Variants in DDB1 observed in about 807,000 individuals in gnomAD.
DDB1 encodes the protein DNA damage-binding protein 1.
Under a neutral mutation model 133.1 loss-of-function variants are expected in DDB1, and 18 were observed. The ratio of observed to expected loss-of-function variants is 0.14; its 90% CI spans 0.09 to 0.20. The LOEUF is 0.20. Among genes scored for constraint, DDB1 ranks in the 10% least tolerant of loss-of-function variants. The pLI, the probability that DDB1 is intolerant of heterozygous loss-of-function variation, is 1.00. For missense variants in DDB1, 828 were observed against 1,459.2 expected (o/e 0.57, Z 7.05); for synonymous variants, 580 against 550.5 (o/e 1.05, Z -0.75).
intron 4 of DDB1, among the ~76,000 whole-genome samples, chr11:61,328,802 G>A (rs1041004633): frequency 1.2e-4 from 19 of 152,034 alleles, no homozygotes; most frequent in African/African-American, 3.9e-4. Context: ...ACCAGGAGGC[G>A]GAGGTTGCAG....
chr11:61,309,699 T>C (rs1242336838), intron 20 of DDB1, 97 bp downstream of exon 20: 1 of 1,348,128 alleles, frequency 7.4e-7, no homozygotes, highest in Non-Finnish European at 1.0e-6. Context: ...CCCAACTTCT[T>C]CTACTGCTTA....
At chr11:61,306,664 C>A (rs1467693544) in intron 21 of DDB1, among the ~76,000 whole-genome samples, 1 of 152,190 alleles carries the variant, frequency 6.6e-6, no homozygotes, top group Admixed American at 6.5e-5. Context: ...CTCGTGTCCT[C>A]CGCTCTGCCT....
At chr11:61,308,552 T>C (rs971201601) in intron 21 of DDB1, among the ~76,000 whole-genome samples, 3 of 152,226 alleles carry the variant, frequency 2.0e-5, no homozygotes, top group Non-Finnish European at 2.9e-5. Context: ...ATTTTCGATA[T>C]ACAAAATTTT....
At position 61,313,654 on chromosome 11, in the gene DDB1, C is replaced by T. The variant is rs1338016796; in HGVS notation, c.1914G>A (p.Leu638=). ...KVTLGTQPTV[L]RTFRSLSTTN... Reference sequence around the variant, plus strand: ...TGGTAGAAAGAGAACGAAAAGTCCTCAATACGGTGGGCTGGGTGCCCAAAG... The same window carrying T: ...TGGTAGAAAGAGAACGAAAAGTCCTTAATACGGTGGGCTGGGTGCCCAAAG... The change falls in exon 16 of 27, where the codon TTG becomes TTA. Residue 638 remains leucine (L), a synonymous_variant. Coordinates refer to ENST00000301764, the MANE Select transcript of DDB1 (RefSeq NM_001923.5). 1 of 1,613,926 alleles carries T rather than the reference C, an allele frequency of 6.2e-7. No individual in the cohort carries two copies. Among genetic ancestry groups the T allele is most frequent in the African/African-American group, 1.3e-5 (1 of 74,894 alleles).
intron 4 of DDB1, 35 bp from the exon 5 acceptor site, chr11:61,326,928 A>G (rs760295356): frequency 8.5e-6 from 13 of 1,522,690 alleles, no homozygotes; most frequent in Non-Finnish European, 9.1e-6. Context: ...AGCCCTTAGG[A>G]AGGGTGAGCC....
intron 10 of DDB1, among the ~76,000 whole-genome samples, chr11:61,320,800 C>CA (rs1456906976): frequency 1.1e-4 from 16 of 152,188 alleles, no homozygotes; most frequent in African/African-American, 3.9e-4. Context: ...CATTTACTGA[C>CA]ATGACAGCTA....
At chr11:61,317,189 C>T (rs1856102600) in intron 10 of DDB1, among the ~76,000 whole-genome samples, 2 of 151,890 alleles carry the variant, frequency 1.3e-5, no homozygotes, top group Admixed American at 6.6e-5. Flanking sequence ...TCTCAGCTCA[C>T]TGCAAGCTCC....
rs1856345743 is a variant in DDB1 at position 61,330,314 on chromosome 11, T to C, written c.211-240A>G. 7.9e-6 allele frequency: 3 copies of C among 379,628 alleles called. No homozygotes were observed. The Admixed American group carries it at 1.3e-4, about 16-fold the overall frequency. The allele number at this position is 379,628 out of a possible 1,614,324, so 23.5% of individuals were successfully genotyped here. ...ACTTTCATGATTCTCCATCTCTCTG[T>C]TCTACAAACAAAGTCTTCATCTATT... is the stretch of plus-strand genomic sequence containing the variant. On this transcript the variant is annotated intron_variant, in intron 2 of 26. Coordinates refer to ENST00000301764, the MANE Select transcript of DDB1 (RefSeq NM_001923.5).
intron 4 of DDB1, 82 bp from the exon 5 acceptor site, chr11:61,326,975 C>G (rs1402292754): frequency 1.1e-6 from 1 of 943,914 alleles, no homozygotes; most frequent in East Asian, 2.4e-5. Flanking sequence ...AATAAGCCAC[C>G]ACTACCCAGC....
At chr11:61,330,196 T>C in intron 2 of DDB1, 122 bp from the exon 3 acceptor site, 1 of 726,506 alleles carries the variant, frequency 1.4e-6, no homozygotes, top group Admixed American at 2.7e-5. Context: ...AAAGAGAAAA[T>C]ACATGGTGAG....
intron 1 of DDB1, 43 bp downstream of exon 1, chr11:61,332,865 C>A (rs1365046384): frequency 3.5e-6 from 5 of 1,439,166 alleles, no homozygotes; most frequent in Middle Eastern, 4.4e-4. Context: ...CGGCTCCCCC[C>A]AACTCCCTCA....
chr11:61,313,988 T>A lies in DDB1; in HGVS notation c.1754-19A>T. ...ATGATCTCTGTGAGAAAGGGGGACA[T>A]TATGTTCTTGTTCCACATTTTGACT... On this transcript the variant is annotated intron_variant, in intron 14 of 26. Transcript: ENST00000301764. 6.2e-7 allele frequency: 1 copy of A among 1,614,040 alleles called. No homozygotes were observed. The highest frequency in any genetic ancestry group is 8.5e-7 in the Non-Finnish European group (1 of 1,179,974).
chr11:61,321,091 A>G (rs1343008495), intron 10 of DDB1, among the ~76,000 whole-genome samples: 2 of 152,112 alleles, frequency 1.3e-5, no homozygotes, highest in Non-Finnish European at 2.9e-5. Flanking sequence ...TACGTTGCCT[A>G]GGCTGGTCTC....
rs753429901 is a variant in DDB1 at position 61,302,754 on chromosome 11, G to A, written c.2943-3C>T. 23 of 1,614,046 alleles carry A rather than the reference G, an allele frequency of 1.4e-5. No individual in the cohort carries two copies. Among genetic ancestry groups the A allele is most frequent in the Non-Finnish European group, 1.9e-5 (22 of 1,180,000 alleles). ...GCTCCTCGTCAGTGGTGGCAGCGCT[G>A]AAAGGCGGTAAGAAAGTCACTTTCT... is the stretch of plus-strand genomic sequence containing the variant. On this transcript the variant is annotated splice_region_variant and splice_polypyrimidine_tract_variant and intron_variant, in intron 23 of 26. Coordinates refer to ENST00000301764, the MANE Select transcript of DDB1 (RefSeq NM_001923.5).
intron 25 of DDB1, chr11:61,302,048 G>C (rs1016183899): frequency 4.3e-6 from 2 of 468,120 alleles, no homozygotes; most frequent in African/African-American, 1.9e-5. Flanking sequence ...GCGGAAGCTA[G>C]GTGATAAGTA....
chr11:61,323,194 G>A (rs967312258), intron 7 of DDB1, 100 bp from the exon 8 acceptor site: 1 of 898,168 alleles, frequency 1.1e-6, no homozygotes, highest in African/African-American at 1.6e-5. Flanking sequence ...ACTCCCAACT[G>A]CAGCCATAAT....
At position 61,321,412 on chromosome 11, in the gene DDB1, T is replaced by C. The variant is rs1315437414; in HGVS notation, c.1225+183A>G. 2.9e-5 allele frequency: 13 copies of C among 445,752 alleles called. No homozygotes were observed. In the South Asian group the frequency reaches 4.4e-4, roughly 15 times the overall value. The allele number at this position is 445,752 out of a possible 1,614,324, so 27.6% of individuals were successfully genotyped here. ...TTTTGATCAGTAGTATTTTCTTTTT[T>C]TTTTTTTTCTAAAGTTTACTTTTAT... On this transcript the variant is annotated intron_variant, in intron 10 of 26. Transcript: ENST00000301764.
chr11:61,324,841 C>T (rs1362492918), intron 6 of DDB1, among the ~76,000 whole-genome samples: 1 of 152,300 alleles, frequency 6.6e-6, no homozygotes, highest in East Asian at 1.9e-4. Flanking sequence ...GAAAACATTA[C>T]ATGCAATAGA....
At chr11:61,300,631 G>T (rs1055478765) in intron 26 of DDB1, among the ~76,000 whole-genome samples, 178 bp downstream of exon 26, 1 of 152,192 alleles carries the variant, frequency 6.6e-6, no homozygotes, top group Non-Finnish European at 1.5e-5. Flanking sequence ...GGGTACCCAC[G>T]AGCCACAACT....
Sources: gnomAD v4.1 joint callset for allele counts (sites outside exome capture counted in the v4.1 genomes callset) on GRCh38, gnomAD v4.1.1 for gene constraint, MANE v1.5 for transcripts, NCBI Gene and HGNC (gene_info 2026-07-23, HGNC 2026-07-21) for gene names.